IMMT: variants seen among roughly 807,000 people sequenced by gnomAD.
The protein encoded by IMMT is inner membrane mitochondrial protein.
A neutral mutation model predicts 92.7 loss-of-function variants in IMMT; 40 were observed. The observed-to-expected ratio is 0.43, with a 90% CI of 0.34 to 0.56. IMMT has a LOEUF of 0.56. IMMT is among the 20% of genes least tolerant of loss of function. IMMT has a pLI of 0.03. For synonymous variants in IMMT, 322 were observed against 336.1 expected (o/e 0.96, Z 0.46); for missense variants, 831 against 912.1 (o/e 0.91, Z 1.14).
rs57252871 is a variant in IMMT at position 86,156,593 on chromosome 2, C to CAAAAAAAAA, written c.1162+1990_1162+1998dup. Among the ~76,000 whole-genome samples the CAAAAAAAAA allele has an allele frequency of 4.8e-3, 215 of 44,654 alleles. 5 individuals carry two copies. Among genetic ancestry groups the CAAAAAAAAA allele is most frequent in the African/African-American group, 0.017 (208 of 11,998 alleles). 29.3% of individuals were successfully genotyped at this position (44,654 alleles called of 152,430 possible). ...TGGGTGACACAGCAAGACTCCATCT[C>CAAAAAAAAA]AAAAAAAAAAAAAAAAAAAAAGTTT... On this transcript the variant is annotated intron_variant, in intron 10 of 14. Transcript: ENST00000410111.
chr2:86,162,405 T>C (rs912625335), intron 7 of IMMT, among the ~76,000 whole-genome samples: 1 of 149,156 alleles, frequency 6.7e-6, no homozygotes, highest in Non-Finnish European at 1.5e-5. Context: ...TAAGGATAAA[T>C]AGGAGGTTTA....
rs1676693351 is a variant in IMMT at position 86,166,576 on chromosome 2, G to C, written c.724C>G (p.Gln242Glu). 1.2e-6 allele frequency: 2 copies of C among 1,612,924 alleles called. No homozygotes were observed. The highest frequency in any genetic ancestry group is 1.7e-6 in the Non-Finnish European group (2 of 1,179,496). Reference protein sequence around the residue: ...ASVTLQAIAAQNAAVQAVNAH... With the variant: ...ASVTLQAIAAENAAVQAVNAH... ...TTGACAGCCTGGACCGCAGCATTCTGAGCTGCAATAGCCTGCAGAGTGACA... is the reference window on the plus strand; with the variant it reads ...TTGACAGCCTGGACCGCAGCATTCTCAGCTGCAATAGCCTGCAGAGTGACA... Residue 242 changes from glutamine to glutamate, a missense_variant, in exon 7 of 15, where the codon CAG becomes GAG. Physicochemically the swap from Gln to Glu is conservative, Grantham distance 29 (BLOSUM62 2). Coordinates refer to ENST00000410111, the MANE Select transcript of IMMT (RefSeq NM_006839.3).
At chr2:86,163,122 G>A (rs764169360) in intron 7 of IMMT, among the ~76,000 whole-genome samples, 1 of 151,968 alleles carries the variant, frequency 6.6e-6, no homozygotes, top group African/African-American at 2.4e-5. Context: ...AGTTGTTTGA[G>A]ACCAGCCTGA....
chr2:86,154,695 G>T (rs1355077305), intron 10 of IMMT, among the ~76,000 whole-genome samples: 1 of 152,028 alleles, frequency 6.6e-6, no homozygotes, highest in Non-Finnish European at 1.5e-5. Context: ...AACTACAATG[G>T]CCTGATTTGA....
At chr2:86,154,326 C>A (rs1675697886) in intron 10 of IMMT, among the ~76,000 whole-genome samples, 1 of 151,908 alleles carries the variant, frequency 6.6e-6, no homozygotes, top group Admixed American at 6.6e-5. Flanking sequence ...GCGCCTCCCA[C>A]CACGCCTGGC....
chr2:86,158,516 G>A (rs955776224), intron 10 of IMMT, 76 bp downstream of exon 10: 5 of 1,260,650 alleles, frequency 4.0e-6, no homozygotes, highest in Non-Finnish European at 1.1e-6. Flanking sequence ...GGACTACAAT[G>A]GAGATGAAGC....
chr2:86,193,991 G>A (rs1401246686), intron 1 of IMMT, among the ~76,000 whole-genome samples: 1 of 152,236 alleles, frequency 6.6e-6, no homozygotes, highest in Non-Finnish European at 1.5e-5. Context: ...TTGGAAGTCA[G>A]AGAGGCAAGC....
rs72839350 is a variant in IMMT at position 86,176,097 on chromosome 2, C to A, written c.310-2336G>T. On this transcript the variant is annotated intron_variant, in intron 3 of 14. Transcript: ENST00000410111. Reference sequence around the variant, plus strand: ...GCAAAGGTAAACAAGTGCCAGATTGCCAAGGGTATTGAATGTCAACTTAAA... The same window carrying A: ...GCAAAGGTAAACAAGTGCCAGATTGACAAGGGTATTGAATGTCAACTTAAA... Among the ~76,000 whole-genome samples the A allele has an allele frequency of 3.9e-3, 592 of 152,254 alleles. 6 individuals are homozygous for A. Among genetic ancestry groups the A allele is most frequent in the Non-Finnish European group, 6.8e-3 (461 of 68,014 alleles).
chr2:86,184,604 G>A (rs1382612448), intron 1 of IMMT, among the ~76,000 whole-genome samples: 1 of 152,070 alleles, frequency 6.6e-6, no homozygotes, highest in Non-Finnish European at 1.5e-5. Flanking sequence ...GGGTGCTACT[G>A]CAACAAAACA....
intron 1 of IMMT, among the ~76,000 whole-genome samples, 180 bp from the exon 2 acceptor site, chr2:86,181,552 C>T (rs1573938453): frequency 6.6e-6 from 1 of 151,988 alleles, no homozygotes; most frequent in African/African-American, 2.4e-5. Context: ...AGTGATGCTT[C>T]TTACACCCCA....
chr2:86,194,089 G>A (rs1157855550), intron 1 of IMMT, among the ~76,000 whole-genome samples: 2 of 152,238 alleles, frequency 1.3e-5, no homozygotes, highest in Non-Finnish European at 2.9e-5. Context: ...GGCTGTAGAA[G>A]CTGGGAGCAG....
intron 3 of IMMT, among the ~76,000 whole-genome samples, chr2:86,176,209 T>C (rs1677415622): frequency 6.6e-6 from 1 of 152,248 alleles, no homozygotes; most frequent in South Asian, 2.1e-4. Context: ...GCTTCATACT[T>C]ATTCAGAAGG....
chr2:86,168,353 T>C (rs527615326), intron 6 of IMMT, among the ~76,000 whole-genome samples: 7 of 152,224 alleles, frequency 4.6e-5, no homozygotes, highest in Non-Finnish European at 7.3e-5. Flanking sequence ...GCCGGCGCAG[T>C]GGCTCACGCC....
intron 10 of IMMT, among the ~76,000 whole-genome samples, chr2:86,154,199 G>C (rs187792384): frequency 1.4e-5 from 2 of 140,900 alleles, no homozygotes; most frequent in African/African-American, 2.6e-5. Context: ...TTGAGACAGA[G>C]TCTCGCTCTG....
chr2:86,163,953 C>A (rs1676467630), intron 7 of IMMT, among the ~76,000 whole-genome samples: 1 of 46,178 alleles, frequency 2.2e-5, no homozygotes. Flanking sequence ...AGCAAGACTC[C>A]ATCTCCAAAA....
Position 86,166,646 on chromosome 2 carries a change from T to G in IMMT, c.656-2A>C. On this transcript the variant is annotated splice_acceptor_variant, in intron 6 of 14. Coordinates refer to ENST00000410111, the MANE Select transcript of IMMT (RefSeq NM_006839.3). LOFTEE classifies it high-confidence loss of function. ...CATCTTCTAAGCTCTTGGCTAGAGC[T>G]TAAAAAAAAAAAAGAACAGTTAAAA... The G allele has an allele frequency of 6.3e-7, 1 of 1,579,250 alleles. No homozygotes were observed. Among genetic ancestry groups the G allele is most frequent in the Non-Finnish European group, 8.6e-7 (1 of 1,168,658 alleles).
chr2:86,166,625 T>A lies in IMMT; in HGVS notation c.675A>T (p.Glu225Asp), dbSNP rs1387041785. The change falls in exon 7 of 15, where the codon GAA (glutamate) becomes GAT (aspartate). Residue 225 changes from glutamate (E) to aspartate (D), a missense_variant. Coordinates refer to ENST00000410111, the MANE Select transcript of IMMT (RefSeq NM_006839.3). ...CACTTGCAGTTTGCCTCAGAGCATC[T>A]TCTAAGCTCTTGGCTAGAGCTTAAA... Reference protein sequence around the residue: ...VKIESLAKSLEDALRQTASVT... With the variant: ...VKIESLAKSLDDALRQTASVT... 6.2e-6 allele frequency: 10 copies of A among 1,611,460 alleles called. No individual in the cohort carries two copies. Among genetic ancestry groups the A allele is most frequent in the Non-Finnish European group, 8.5e-6 (10 of 1,179,148 alleles).
intron 6 of IMMT, among the ~76,000 whole-genome samples, chr2:86,167,496 T>G (rs1676793866): frequency 7.7e-6 from 1 of 129,230 alleles, no homozygotes; most frequent in Non-Finnish European, 1.6e-5. Context: ...TTTTTTTTTT[T>G]TTTTTGGAGA....
chr2:86,189,544 TAAAG>T (rs1235688801), intron 1 of IMMT, among the ~76,000 whole-genome samples: 2 of 152,160 alleles, frequency 1.3e-5, no homozygotes, highest in South Asian at 2.1e-4. Flanking sequence ...AGTGAAGACA[TAAAG>T]AAACCACAAT....
Sources: gnomAD v4.1 joint callset for allele counts (sites outside exome capture counted in the v4.1 genomes callset) on GRCh38, gnomAD v4.1.1 for gene constraint, MANE v1.5 for transcripts, NCBI Gene and HGNC (gene_info 2026-07-23, HGNC 2026-07-21) for gene names.